Variants in SPATS1 observed in about 807,000 individuals in gnomAD.
SPATS1 encodes spermatogenesis associated serine rich 1.
SPATS1 carries 23 observed loss-of-function variants against 33.6 expected under a neutral mutation model. The observed-to-expected ratio is 0.68, with a 90% CI of 0.49 to 0.97. The LOEUF (loss-of-function observed/expected upper bound fraction) is 0.97, where lower values mean the gene tolerates loss of function less well. SPATS1 is among the 50% of genes least tolerant of loss of function. The probability of loss-of-function intolerance (pLI) is 0.00; values close to 1 mark genes in which losing one functional copy is unlikely to be tolerated. For synonymous variants in SPATS1, 131 were observed against 125.6 expected (o/e 1.04, Z -0.29); for missense variants, 327 against 361.0 (o/e 0.91, Z 0.76).
intron 2 of SPATS1, among the ~76,000 whole-genome samples, chr6:44,347,353 C>T (rs1787957053): frequency 8.5e-6 from 1 of 117,736 alleles, no homozygotes; most frequent in Non-Finnish European, 1.8e-5. Context: ...TACACATGTA[C>T]CTCAGAACTT....
chr6:44,360,632 AC>A, intron 4 of SPATS1, 62 bp downstream of exon 4: 1 of 1,589,104 alleles, frequency 6.3e-7, no homozygotes, highest in African/African-American at 1.3e-5. Flanking sequence ...AGTCTGCCAT[AC>A]TGTTGGCCAC....
chr6:44,376,354 A>G lies in SPATS1; in HGVS notation c.759-4A>G. 6.2e-7 allele frequency: 1 copy of G among 1,607,236 alleles called. No individual in the cohort carries two copies. Among genetic ancestry groups the G allele is most frequent in the Non-Finnish European group, 8.5e-7 (1 of 1,175,528 alleles). On this transcript the variant is annotated splice_polypyrimidine_tract_variant and splice_region_variant and intron_variant, in intron 7 of 8. Coordinates refer to ENST00000674044, the MANE Select transcript of SPATS1 (RefSeq NM_001372081.1). ...CAACTCAGGGTGTTGTCTTCTTCCC[A>G]CAGCTTGCCTTTCTGGGTGAAGGAG...
Position 44,360,584 on chromosome 6 carries a change from C to T in SPATS1, c.412+14C>T. 6 of 1,613,682 alleles carry T rather than the reference C, an allele frequency of 3.7e-6. No individual in the cohort carries two copies. The highest frequency in any genetic ancestry group is 5.1e-6 in the Non-Finnish European group (6 of 1,179,814). The stretch of plus-strand genomic sequence containing the variant: ...AGTTGCAGACGAGTAAGTCACAGAC[C>T]CTCCTCCACATGCTTCTGTGCCCCA... On this transcript the variant is annotated intron_variant, in intron 4 of 8. Coordinates refer to ENST00000674044, the MANE Select transcript of SPATS1 (RefSeq NM_001372081.1).
At chr6:44,368,233 A>G (rs1007672813) in intron 5 of SPATS1, 146 bp from the exon 6 acceptor site, 4 of 842,568 alleles carry the variant, frequency 4.7e-6, no homozygotes, top group Non-Finnish European at 6.8e-6. Flanking sequence ...AGGCAAGATA[A>G]TCACAAACAG....
At chr6:44,364,651 A>G (rs926354185) in intron 5 of SPATS1, among the ~76,000 whole-genome samples, 1 of 152,076 alleles carries the variant, frequency 6.6e-6, no homozygotes, top group Non-Finnish European at 1.5e-5. Context: ...ATCTCACTGC[A>G]GCACTTGATA....
rs113260204 is a variant in SPATS1 at position 44,352,919 on chromosome 6, G to A, written c.287+46G>A. On this transcript the variant is annotated intron_variant, in intron 3 of 8. Transcript: ENST00000674044. ...GAGCTGTCACGGTTGGGGAGATTCT[G>A]ACCAAGAAGCCAATAGTCTGAGAGG... 4,195 of 1,594,860 alleles carry A rather than the reference G, an allele frequency of 2.6e-3. 82 individuals carry two copies. The African/African-American group carries it at 0.044, about 17-fold the overall frequency.
chr6:44,372,727 T>A (rs1397240068), intron 7 of SPATS1, among the ~76,000 whole-genome samples: 2 of 152,244 alleles, frequency 1.3e-5, no homozygotes, highest in East Asian at 3.8e-4. Context: ...CCCAAAGTGC[T>A]GGGATTACAG....
rs149258457 is a variant in SPATS1 at position 44,366,144 on chromosome 6, G to T, written c.575-2235G>T. On this transcript the variant is annotated intron_variant, in intron 5 of 8. Transcript: ENST00000674044. ...ATATATATATTTTTTTTTTTTTTGAGACAGAGTTTCGCTCTTGTTGCCCAG... is the reference window on the plus strand; with the variant it reads ...ATATATATATTTTTTTTTTTTTTGATACAGAGTTTCGCTCTTGTTGCCCAG... Among the ~76,000 whole-genome samples, 768 of 141,738 alleles carry T rather than the reference G, an allele frequency of 5.4e-3. 2 individuals carry two copies. The highest frequency in any genetic ancestry group is 7.4e-3 in the Non-Finnish European group (489 of 65,954). 93.0% of individuals were successfully genotyped at this position (141,738 alleles called of 152,430 possible).
At chr6:44,372,991 T>C (rs1407498549) in intron 7 of SPATS1, among the ~76,000 whole-genome samples, 1 of 152,244 alleles carries the variant, frequency 6.6e-6, no homozygotes, top group African/African-American at 2.4e-5. Context: ...AAATGATTTT[T>C]AGCCCTTTGT....
rs1790140773 is a variant in SPATS1 at position 44,380,178 on chromosome 6, C to T, written c.*3115C>T. On this transcript the variant is annotated 3_prime_UTR_variant, in exon 9 of 9. Coordinates refer to ENST00000674044, the MANE Select transcript of SPATS1 (RefSeq NM_001372081.1). ...TTTGGTAAATAAAAACATGTGGGTG[C>T]AGAGGTGTGTGTGTGTTCAATTCTT... is the stretch of plus-strand genomic sequence containing the variant. Among the ~76,000 whole-genome samples the T allele has an allele frequency of 6.6e-6, 1 of 152,142 alleles. No homozygotes were observed.
chr6:44,350,452 G>C lies in SPATS1; in HGVS notation c.140-2274G>C, dbSNP rs543659831. Among the ~76,000 whole-genome samples, 5 of 152,206 alleles carry C rather than the reference G, an allele frequency of 3.3e-5. No individual in the cohort carries two copies. In the East Asian group the frequency reaches 5.8e-4, roughly 18 times the overall value. On this transcript the variant is annotated intron_variant, in intron 2 of 8. Transcript: ENST00000674044. ...AGAGATTCTAATTCAATAGGTCTGC[G>C]ATGGAATTTGAGAATCTGTATTTTT...
chr6:44,365,874 T>C (rs1042841342), intron 5 of SPATS1, among the ~76,000 whole-genome samples: 6 of 152,234 alleles, frequency 3.9e-5, no homozygotes, highest in Non-Finnish European at 8.8e-5. Context: ...TGCAGTGTTA[T>C]GGGTCCATCA....
At chr6:44,362,115 G>A in intron 5 of SPATS1, 123 bp downstream of exon 5, 1 of 1,246,668 alleles carries the variant, frequency 8.0e-7, no homozygotes, top group South Asian at 1.4e-5. Flanking sequence ...CCCTAGTGCA[G>A]CCAGGAAGAC....
At chr6:44,346,832 C>G (rs1020476848) in intron 2 of SPATS1, among the ~76,000 whole-genome samples, 35 of 152,184 alleles carry the variant, frequency 2.3e-4, no homozygotes, top group South Asian at 1.5e-3. Context: ...CCTCAAGGAT[C>G]TAGAACTAGA....
chr6:44,343,226 G>C lies in SPATS1; in HGVS notation c.131G>C (p.Arg44Thr), dbSNP rs748731110. Residue 44 changes from arginine (R) to threonine (T), a missense_variant, in exon 2 of 9, where the codon AGG (arginine) becomes ACG (threonine). By Grantham distance (71) the Arg-to-Thr change is moderately conservative. Coordinates refer to ENST00000674044, the MANE Select transcript of SPATS1 (RefSeq NM_001372081.1). ...GACTCTGGCATGACCGAGGTGGAGAGGACCTACAGTTGAGTTCTAAGAAAT... is the reference window on the plus strand; with the variant it reads ...GACTCTGGCATGACCGAGGTGGAGACGACCTACAGTTGAGTTCTAAGAAAT... ...KRDSGMTEVE[R>T]TYSANCSDFL... The C allele has an allele frequency of 1.5e-5, 24 of 1,613,988 alleles. No individual in the cohort carries two copies. In the South Asian group the frequency reaches 2.4e-4, roughly 16 times the overall value.
chr6:44,373,194 G>C (rs1339183960), intron 7 of SPATS1, among the ~76,000 whole-genome samples: 1 of 152,160 alleles, frequency 6.6e-6, no homozygotes, highest in African/African-American at 2.4e-5. Context: ...TCTGAACTTG[G>C]ATCTTCGGCT....
intron 2 of SPATS1, among the ~76,000 whole-genome samples, chr6:44,344,389 ACGTG>A (rs1049192532): frequency 6.4e-5 from 8 of 124,698 alleles, no homozygotes; most frequent in South Asian, 2.5e-4. Context: ...AATTGAAGAT[ACGTG>A]TGTGTGTGTG....
At chr6:44,352,273 A>C (rs1332997527) in intron 2 of SPATS1, among the ~76,000 whole-genome samples, 4 of 152,008 alleles carry the variant, frequency 2.6e-5, no homozygotes, top group African/African-American at 4.8e-5. Flanking sequence ...TGGGATTACA[A>C]GAGTGTGCCA....
At chr6:44,348,660 G>C (rs572725215) in intron 2 of SPATS1, among the ~76,000 whole-genome samples, 33 of 152,284 alleles carry the variant, frequency 2.2e-4, no homozygotes, top group African/African-American at 7.9e-4. Flanking sequence ...TGTAGAACGT[G>C]TGTTCATAGC....
Sources: allele counts gnomAD v4.1 joint callset (sites outside exome capture counted in the v4.1 genomes callset), GRCh38; gene constraint gnomAD v4.1.1; transcripts MANE v1.5; gene names NCBI Gene and HGNC (gene_info 2026-07-23, HGNC 2026-07-21).